Variants in HDAC9 observed in about 807,000 individuals in gnomAD.
HDAC9 encodes histone deacetylase 9.
In HDAC9, 41 loss-of-function variants were observed where a neutral mutation model predicts 139.4. The observed-to-expected ratio is 0.29, with a 90% CI of 0.23 to 0.38. The LOEUF (loss-of-function observed/expected upper bound fraction) is 0.38. Among genes scored for constraint, HDAC9 ranks in the 10% least tolerant of loss-of-function variants. The pLI, the probability that HDAC9 is intolerant of heterozygous loss-of-function variation, is 1.00. For missense variants in HDAC9, 1,147 were observed against 1,297.0 expected, an observed-to-expected ratio of 0.88 and a Z score of 1.78; for synonymous variants, 517 against 476.2, an observed-to-expected ratio of 1.09 and a Z score of -1.12.
intron 21 of HDAC9, among the ~76,000 whole-genome samples, chr7:18,872,533 G>A (rs1799006840): frequency 6.6e-6 from 1 of 152,074 alleles, no homozygotes. Context: ...TAGCAAGATT[G>A]GAAAAATAAG....
chr7:18,796,535 TG>T (rs886596055), intron 17 of HDAC9, among the ~76,000 whole-genome samples: 14 of 152,340 alleles, frequency 9.2e-5, no homozygotes, highest in Admixed American at 1.3e-4. Context: ...GTGAAAATCA[TG>T]GGGACTTTCA....
At chr7:18,745,595 G>A (rs1338885271) in intron 13 of HDAC9, among the ~76,000 whole-genome samples, 4 of 137,836 alleles carry the variant, frequency 2.9e-5, no homozygotes, top group Admixed American at 7.9e-5. Context: ...GCCGGACTGC[G>A]GACTGCAGTG....
At chr7:18,324,196 T>C (rs1214414539) in intron 1 of HDAC9, among the ~76,000 whole-genome samples, 2 of 152,066 alleles carry the variant, frequency 1.3e-5, no homozygotes, top group Non-Finnish European at 2.9e-5. Context: ...TTTTCTGGAC[T>C]TTGAAGGATG....
At chr7:18,526,038 CT>C (rs1286696810) in intron 2 of HDAC9, among the ~76,000 whole-genome samples, 1 of 152,120 alleles carries the variant, frequency 6.6e-6, no homozygotes, top group Non-Finnish European at 1.5e-5. Context: ...ATGAAAGTCA[CT>C]GTTTTAGGTA....
intron 1 of HDAC9, chr7:18,458,844 C>T: frequency 6.5e-7 from 1 of 1,534,082 alleles, no homozygotes; most frequent in Admixed American, 2.0e-5. Flanking sequence ...CCCCACAGAC[C>T]TCATGTGGAA....
chr7:18,707,014 G>A (rs555988001), intron 12 of HDAC9, among the ~76,000 whole-genome samples: 1 of 152,276 alleles, frequency 6.6e-6, no homozygotes, highest in East Asian at 1.9e-4. Flanking sequence ...AGTGAACAAT[G>A]AGGCACTGGT....
intron 1 of HDAC9, among the ~76,000 whole-genome samples, chr7:18,388,120 T>C (rs1043578734): frequency 2.6e-5 from 4 of 152,226 alleles, no homozygotes; most frequent in Non-Finnish European, 4.4e-5. Context: ...CACATATTCA[T>C]GTAGGCTTGT....
At chr7:18,406,032 G>C (rs1327737914) in intron 1 of HDAC9, among the ~76,000 whole-genome samples, 1 of 152,022 alleles carries the variant, frequency 6.6e-6, no homozygotes, top group Non-Finnish European at 1.5e-5. Context: ...ACCAATCATT[G>C]GTTGTAAATA....
chr7:18,175,780 C>CG (rs1491121748), intron 2 of HDAC9, among the ~76,000 whole-genome samples: 62 of 118,634 alleles, frequency 5.2e-4, no homozygotes, highest in African/African-American at 2.1e-3. Context: ...CCCCCCCCCC[C>CG]TTTTTTTAGA....
intron 21 of HDAC9, among the ~76,000 whole-genome samples, chr7:18,843,628 A>G (rs561427731): frequency 6.6e-6 from 1 of 152,062 alleles, no homozygotes; most frequent in South Asian, 2.1e-4. Flanking sequence ...CTGTTTTTCA[A>G]CCAAATTTCA....
chr7:18,227,627 A>T (rs1793150457), intron 2 of HDAC9, among the ~76,000 whole-genome samples: 1 of 152,172 alleles, frequency 6.6e-6, no homozygotes, highest in African/African-American at 2.4e-5. Context: ...CCCAATTTAC[A>T]CCAGAAAGTC....
chr7:18,573,151 T>G (rs1824855771), intron 2 of HDAC9, among the ~76,000 whole-genome samples: 1 of 152,216 alleles, frequency 6.6e-6, no homozygotes, highest in South Asian at 2.1e-4. Flanking sequence ...TTTTTTCCTT[T>G]TCATTTATGC....
chr7:18,183,645 T>C (rs942020657), intron 2 of HDAC9, among the ~76,000 whole-genome samples: 1 of 152,186 alleles, frequency 6.6e-6, no homozygotes, highest in South Asian at 2.1e-4. Flanking sequence ...GTTTCTTTAA[T>C]TTAAATTTTT....
chr7:18,223,469 A>G (rs1792843893), intron 2 of HDAC9, among the ~76,000 whole-genome samples: 1 of 151,672 alleles, frequency 6.6e-6, no homozygotes, highest in Non-Finnish European at 1.5e-5. Flanking sequence ...CAATGAACAG[A>G]ATACTTTAGC....
At chr7:18,356,288 G>A (rs538853175) in intron 1 of HDAC9, among the ~76,000 whole-genome samples, 1 of 136,850 alleles carries the variant, frequency 7.3e-6, no homozygotes, top group South Asian at 2.4e-4. Context: ...CTTCCTGCCT[G>A]TACTTTTTCC....
chr7:18,311,235 C>G (rs983915331), intron 1 of HDAC9, among the ~76,000 whole-genome samples: 5 of 151,908 alleles, frequency 3.3e-5, no homozygotes, highest in African/African-American at 1.2e-4. Flanking sequence ...ATTCACACAG[C>G]CTACTTATGA....
rs1485779479 is a variant in HDAC9 at position 18,647,916 on chromosome 7, G to T, written c.1167G>T (p.Lys389Asn). 2 of 1,612,976 alleles carry T rather than the reference G, an allele frequency of 1.2e-6. No homozygotes were observed. The highest frequency in any genetic ancestry group is 1.7e-6 in the Non-Finnish European group (2 of 1,179,492). ...SSHPHVTLEG[K>N]PPNSSHQALL... is the part of the protein sequence containing the mutation. ...ACCCTCATGTTACTTTAGAGGGAAA[G>T]CCACCCAACAGCAGCCACCAGGCTC... Residue 389 changes from lysine (K) to asparagine (N), a missense_variant, in exon 10 of 26, where the codon AAG becomes AAT. Physicochemically the swap from Lys to Asn is moderately conservative, Grantham distance 94. This residue lies in a region of HDAC9 where 264 missense variants were observed against 273.8 expected (regional missense o/e 0.96). Coordinates refer to ENST00000686413, the MANE Select transcript of HDAC9 (RefSeq NM_178425.4).
At chr7:18,836,067 G>A in intron 21 of HDAC9, 70 bp downstream of exon 21, 2 of 793,996 alleles carry the variant, frequency 2.5e-6, no homozygotes, top group Non-Finnish European at 4.1e-6. Flanking sequence ...CACCAAATAT[G>A]GAAGAGAAAT....
At chr7:18,759,435 G>C (rs1026889572) in intron 14 of HDAC9, among the ~76,000 whole-genome samples, 1 of 152,018 alleles carries the variant, frequency 6.6e-6, no homozygotes, top group African/African-American at 2.4e-5. Flanking sequence ...GATCTAGGTT[G>C]AGCGCTCCTT....
Sources: allele counts gnomAD v4.1 joint callset (sites outside exome capture counted in the v4.1 genomes callset), GRCh38; gene constraint gnomAD v4.1.1; regional missense constraint gnomAD v4.1.1; transcripts MANE v1.5; gene names NCBI Gene and HGNC (gene_info 2026-07-23, HGNC 2026-07-21).